Variants in CLEC17A observed in about 807,000 individuals in gnomAD.
CLEC17A encodes the protein C-type lectin domain family 17, member A.
A neutral mutation model predicts 61.3 loss-of-function variants in CLEC17A; 37 were observed. That is an observed-to-expected ratio of 0.60 (90% CI 0.46 to 0.79). The LOEUF is 0.79. CLEC17A is among the 30% of genes least tolerant of loss of function. The pLI is 0.00. For missense variants in CLEC17A, 418 were observed against 464.7 expected (o/e 0.90, Z 0.92); for synonymous variants, 168 against 164.9 (o/e 1.02, Z -0.14).
Position 14,588,681 on chromosome 19 carries a change from G to C in CLEC17A, c.199+990G>C, listed in dbSNP as rs1599535196. 2.0e-5 allele frequency: 3 copies of C among 152,012 alleles called. No homozygotes were observed. In the East Asian group the frequency reaches 5.8e-4, roughly 29 times the overall value. The allele number at this position is 152,012 out of a possible 1,614,324, so 9.4% of individuals were successfully genotyped here. A position where few individuals can be genotyped will look rare whatever the true frequency, so the allele number is the denominator to read the frequency against. On this transcript the variant is annotated intron_variant, in intron 3 of 13. Transcript: ENST00000417570. ...TAAAAAAATAGAGAAAATGAAACCGGAGGTTTTTGAGGTATTCCTGAGTTT... is the reference window on the plus strand; with the variant it reads ...TAAAAAAATAGAGAAAATGAAACCGCAGGTTTTTGAGGTATTCCTGAGTTT...
chr19:14,599,527 T>G (rs2074648964), intron 10 of CLEC17A, 190 bp from the exon 11 acceptor site: 1 of 662,476 alleles, frequency 1.5e-6, no homozygotes, highest in African/African-American at 1.8e-5. Flanking sequence ...CCGGGATTGA[T>G]CCCTCCTCTG....
At chr19:14,597,333 G>A (rs2074575246) in intron 10 of CLEC17A, among the ~76,000 whole-genome samples, 172 bp downstream of exon 10, 3 of 152,250 alleles carry the variant, frequency 2.0e-5, no homozygotes, top group South Asian at 2.1e-4. Context: ...TGTGTGAAGT[G>A]TGCATGTGTA....
chr19:14,594,436 A>G (rs1055714844), intron 4 of CLEC17A, 81 bp from the exon 5 acceptor site: 1 of 1,526,238 alleles, frequency 6.6e-7, no homozygotes, highest in Non-Finnish European at 8.9e-7. Context: ...CTCCACTGCA[A>G]TCCTAACCCT....
At position 14,596,916 on chromosome 19, in the gene CLEC17A, T is replaced by C; in HGVS notation, c.486T>C (p.Pro162=). ...GGCTCAATCAGAGGTCTGGAGGTCC[T>C]GGCTGCTGCCAGAAGAGGTGGATGG... ...VPWLNQRSGG[P]GCCQKRWMVY... Residue 162 remains proline, a synonymous_variant, in exon 9 of 14, where the codon CCT becomes CCC. Transcript: ENST00000417570. 6.2e-7 allele frequency: 1 copy of C among 1,608,600 alleles called. No homozygotes were observed. Among genetic ancestry groups the C allele is most frequent in the Non-Finnish European group, 8.5e-7 (1 of 1,177,454 alleles).
At position 14,610,734 on chromosome 19, in the gene CLEC17A, C is replaced by T. The variant is rs117883389; in HGVS notation, c.*538C>T. 1.9e-3 allele frequency: 289 copies of T among 153,672 alleles called. 2 individuals are homozygous for T. Among genetic ancestry groups the T allele is most frequent in the South Asian group, 8.5e-3 (42 of 4,924 alleles). 9.5% of individuals were successfully genotyped at this position (153,672 alleles called of 1,614,324 possible). The stretch of plus-strand genomic sequence containing the variant: ...GGGAGTCTCACTATGTTGCCCAGGC[C>T]AGTCTCAAACTCCTTGCCTCAATGG... On this transcript the variant is annotated 3_prime_UTR_variant, in exon 14 of 14. Transcript: ENST00000417570.
chr19:14,581,591 C>T (rs762603364), upstream of CLEC17A, among the ~76,000 whole-genome samples: 4 of 151,994 alleles, frequency 2.6e-5, no homozygotes, highest in African/African-American at 9.7e-5. Flanking sequence ...CTGAGCCTCC[C>T]GAAGTGTTGG....
chr19:14,588,446 T>A (rs2074340665), intron 3 of CLEC17A: 1 of 151,848 alleles, frequency 6.6e-6, no homozygotes, highest in Non-Finnish European at 1.5e-5. Context: ...TGGGCTATTG[T>A]GAAGTATGTG....
chr19:14,583,271 C>A, intron 1 of CLEC17A, 68 bp downstream of exon 1: 1 of 1,613,138 alleles, frequency 6.2e-7, no homozygotes, highest in Non-Finnish European at 8.5e-7. Context: ...GAATCCCCAC[C>A]ATGGGGCAGC....
At chr19:14,597,357 C>T (rs1008010507) in intron 10 of CLEC17A, among the ~76,000 whole-genome samples, 196 bp downstream of exon 10, 1 of 152,142 alleles carries the variant, frequency 6.6e-6, no homozygotes, top group Non-Finnish European at 1.5e-5. Context: ...GTGTCCAGAC[C>T]TCCACCATCC....
chr19:14,583,216 C>T lies in CLEC17A; in HGVS notation c.43+13C>T. The stretch of plus-strand genomic sequence containing the variant: ...CCGGACCCACCAGGTAAGGCCCCGG[C>T]CAGGCTGGGGCTGGGGCCTAGGTGT... On this transcript the variant is annotated intron_variant, in intron 1 of 13. Transcript: ENST00000417570. The T allele has an allele frequency of 6.2e-7, 1 of 1,613,862 alleles. No individual in the cohort carries two copies. The highest frequency in any genetic ancestry group is 8.5e-7 in the Non-Finnish European group (1 of 1,179,876).
intron 2 of CLEC17A, chr19:14,584,315 C>G (rs2074237827): frequency 6.6e-6 from 1 of 152,112 alleles, no homozygotes; most frequent in Admixed American, 6.6e-5. Flanking sequence ...GTTCGACACC[C>G]CCAAGCTGAT....
chr19:14,595,179 TA>T, intron 7 of CLEC17A, 94 bp from the exon 8 acceptor site: 1 of 1,452,636 alleles, frequency 6.9e-7, no homozygotes, highest in Non-Finnish European at 9.6e-7. Context: ...GCCAGCCCCC[TA>T]AATTCTGACC....
At chr19:14,594,610 C>T in intron 5 of CLEC17A, 22 bp from the exon 6 acceptor site, 1 of 1,613,746 alleles carries the variant, frequency 6.2e-7, no homozygotes, top group Non-Finnish European at 8.5e-7. Context: ...CTGGCCCTGA[C>T]CAACCATTCC....
chr19:14,608,640 T>TC (rs2074964389), intron 13 of CLEC17A, among the ~76,000 whole-genome samples: 1 of 148,504 alleles, frequency 6.7e-6, no homozygotes, highest in African/African-American at 2.5e-5. Flanking sequence ...TTTTTTTTTT[T>TC]TTTTTTTTTT....
intron 3 of CLEC17A, 62 bp downstream of exon 3, chr19:14,587,753 T>C: frequency 6.2e-7 from 1 of 1,602,466 alleles, no homozygotes; most frequent in Non-Finnish European, 8.5e-7. Context: ...CCAGTGGGCA[T>C]TGGTTGGGCA....
chr19:14,608,608 G>C (rs994853117), intron 13 of CLEC17A, among the ~76,000 whole-genome samples: 1 of 151,672 alleles, frequency 6.6e-6, no homozygotes, highest in Non-Finnish European at 1.5e-5. Flanking sequence ...AAAAAAGGGA[G>C]GGTGGAAGGA....
At chr19:14,599,488 G>A (rs917683698) in intron 10 of CLEC17A, among the ~76,000 whole-genome samples, 6 of 152,122 alleles carry the variant, frequency 3.9e-5, no homozygotes, top group African/African-American at 1.4e-4. Context: ...CTTTCAGGGT[G>A]CCCACCACCC....
At chr19:14,582,084 C>T (rs1218465484), upstream of CLEC17A, among the ~76,000 whole-genome samples, 1 of 152,242 alleles carries the variant, frequency 6.6e-6, no homozygotes. Context: ...TTTCCAGCCT[C>T]TGCAGTTGCA....
chr19:14,583,185 GGGTACCC>G lies in CLEC17A; in HGVS notation c.28_34del (p.Tyr10ThrfsTer108). On this transcript the variant is annotated frameshift_variant, in exon 1 of 14. Transcript: ENST00000417570. LOFTEE classifies it high-confidence loss of function. ...CATGCATAATCTGTATTCCATCACT[GGGTACCC>G]GGACCCACCAGGTAAGGCCCCGGCC... 1 of 1,613,912 alleles carries G rather than the reference GGGTACCC, an allele frequency of 6.2e-7. No homozygotes were observed. The highest frequency in any genetic ancestry group is 8.5e-7 in the Non-Finnish European group (1 of 1,179,874).
Sources: allele counts gnomAD v4.1 joint callset (sites outside exome capture counted in the v4.1 genomes callset), GRCh38; gene constraint gnomAD v4.1.1; transcripts MANE v1.5; gene names NCBI Gene and HGNC (gene_info 2026-07-23, HGNC 2026-07-21).